The following FMO4 variants were observed in gnomAD, a reference collection of about 807,000 sequenced individuals.
FMO4 encodes the protein dimethylaniline monooxygenase [N-oxide-forming] 4.
Under a neutral mutation model 43.3 loss-of-function variants are expected in FMO4, and 38 were observed. That is an observed-to-expected ratio of 0.88 (90% confidence interval 0.68 to 1.15). The LOEUF (loss-of-function observed/expected upper bound fraction) is 1.15. Ranked by LOEUF, FMO4 falls within the 50% of genes most tolerant of loss-of-function variation. The pLI is 0.00. For missense variants in FMO4, 631 were observed against 663.3 expected, an observed-to-expected ratio of 0.95 and a Z score of 0.54; for synonymous variants, 224 against 232.2, an observed-to-expected ratio of 0.96 and a Z score of 0.32.
At chr1:171,331,371 C>T (rs1276856051) in intron 5 of FMO4, among the ~76,000 whole-genome samples, 2 of 152,150 alleles carry the variant, frequency 1.3e-5, no homozygotes, top group African/African-American at 4.8e-5. Context: ...GTTTGATTTC[C>T]TGAAGCAACT....
At chr1:171,329,907 G>C (rs944213180) in intron 5 of FMO4, among the ~76,000 whole-genome samples, 7 of 152,188 alleles carry the variant, frequency 4.6e-5, no homozygotes, top group African/African-American at 1.7e-4. Flanking sequence ...AGTAGGCAAA[G>C]AATCCTGTTA....
intron 1 of FMO4, among the ~76,000 whole-genome samples, chr1:171,314,956 T>C (rs148917946): frequency 6.3e-4 from 96 of 152,298 alleles, no homozygotes; most frequent in African/African-American, 2.1e-3. Context: ...TACAAAGGTC[T>C]AGTTCAATAG....
At chr1:171,315,470 A>G (rs1662162074) in intron 1 of FMO4, among the ~76,000 whole-genome samples, 1 of 151,876 alleles carries the variant, frequency 6.6e-6, no homozygotes, top group African/African-American at 2.4e-5. Flanking sequence ...GTTTTCAGAC[A>G]TAAGAACAGT....
intron 3 of FMO4, among the ~76,000 whole-genome samples, chr1:171,321,146 C>T (rs1662406493): frequency 6.6e-6 from 1 of 152,062 alleles, no homozygotes; most frequent in Admixed American, 6.6e-5. Context: ...TGCTATTTGA[C>T]CCCACAGTTG....
chr1:171,322,623 C>G (rs1008267398), intron 3 of FMO4, among the ~76,000 whole-genome samples: 1 of 152,102 alleles, frequency 6.6e-6, no homozygotes, highest in Non-Finnish European at 1.5e-5. Context: ...GAGGCCAAGG[C>G]GGGTGGATCA....
At chr1:171,337,884 TC>T (rs1663183782) in intron 9 of FMO4, among the ~76,000 whole-genome samples, 1 of 152,130 alleles carries the variant, frequency 6.6e-6, no homozygotes, top group Non-Finnish European at 1.5e-5. Flanking sequence ...CATCATATAC[TC>T]AGGGCTCCCA....
intron 9 of FMO4, among the ~76,000 whole-genome samples, chr1:171,337,764 T>C (rs1425673576): frequency 6.6e-6 from 1 of 152,174 alleles, no homozygotes; most frequent in Admixed American, 6.5e-5. Context: ...GTATCGCCTC[T>C]TCCTCACTCC....
rs1428271188 is a variant in FMO4, at chr1:171,334,463, G to A, written c.880G>A (p.Gly294Arg). ...TGAGCTGCCAAACTGTATCCTCTGT[G>A]GGGCAATCACTATGAAAACCAGCGT... ...NDELPNCILCGAITMKTSVIE... is the reference protein window; with the variant it reads ...NDELPNCILCRAITMKTSVIE... The change falls in exon 8 of 10, where the codon GGG becomes AGG. Residue 294 changes from glycine to arginine, a missense_variant. By Grantham distance (125) the Gly-to-Arg change is moderately radical. Transcript: ENST00000367749. The A allele has an allele frequency of 6.2e-7, 1 of 1,612,338 alleles. No individual in the cohort carries two copies. Among genetic ancestry groups the A allele is most frequent in the Non-Finnish European group, 8.5e-7 (1 of 1,179,498 alleles).
At chr1:171,340,249 C>A (rs1041796396) in intron 9 of FMO4, among the ~76,000 whole-genome samples, 4 of 152,126 alleles carry the variant, frequency 2.6e-5, no homozygotes, top group African/African-American at 9.7e-5. Context: ...AATTTGTCAG[C>A]GTTCTACCAG....
chr1:171,332,830 G>C lies in FMO4; in HGVS notation c.749G>C (p.Arg250Pro), dbSNP rs770794489. The C allele has an allele frequency of 1.2e-6, 2 of 1,612,490 alleles. No homozygotes were observed. ...CSFIAQVLPS[R>P]FLNWIQERKL... Reference sequence around the variant, plus strand: ...TTTATTGCACAAGTTCTGCCTTCACGTTTTCTAAACTGGATTCAAGAAAGG... The same window carrying C: ...TTTATTGCACAAGTTCTGCCTTCACCTTTTCTAAACTGGATTCAAGAAAGG... The change falls in exon 7 of 10, where the codon CGT becomes CCT. Residue 250 changes from arginine to proline, a missense_variant. By Grantham distance (103) the Arg-to-Pro change is moderately radical. Coordinates refer to ENST00000367749, the MANE Select transcript of FMO4 (RefSeq NM_002022.3).
rs767784790 is a variant in FMO4, at chr1:171,334,477, G to A, written c.894G>A (p.Met298Ile). The A allele has an allele frequency of 5.6e-6, 9 of 1,613,442 alleles. No homozygotes were observed. Among genetic ancestry groups the A allele is most frequent in the Admixed American group, 1.7e-5 (1 of 59,876 alleles). The change falls in exon 8 of 10, where the codon ATG (methionine) becomes ATA (isoleucine). Residue 298 changes from methionine to isoleucine, a missense_variant. By Grantham distance (10) the Met-to-Ile change is conservative. Transcript: ENST00000367749. ...PNCILCGAIT[M>I]KTSVIEFTET... ...GTATCCTCTGTGGGGCAATCACTAT[G>A]AAAACCAGCGTGATTGAATTTACAG...
At chr1:171,324,097 A>T in intron 4 of FMO4, 41 bp from the exon 5 acceptor site, 12 of 1,563,394 alleles carry the variant, frequency 7.7e-6, no homozygotes, top group Non-Finnish European at 1.0e-5. Flanking sequence ...ATGAGGTCCA[A>T]GGGTGTTAGT....
chr1:171,338,033 C>T (rs1663193440), intron 9 of FMO4, among the ~76,000 whole-genome samples: 1 of 152,172 alleles, frequency 6.6e-6, no homozygotes, highest in Non-Finnish European at 1.5e-5. Flanking sequence ...CCCTCCGCCC[C>T]CCATCTGCCC....
intron 5 of FMO4, among the ~76,000 whole-genome samples, chr1:171,327,958 T>C (rs1412306886): frequency 2.6e-5 from 4 of 152,202 alleles, no homozygotes; most frequent in African/African-American, 7.2e-5. Flanking sequence ...CTTAGAAGCC[T>C]GGGACTAGCA....
At chr1:171,338,072 C>G (rs909937980) in intron 9 of FMO4, among the ~76,000 whole-genome samples, 1 of 152,144 alleles carries the variant, frequency 6.6e-6, no homozygotes, top group Non-Finnish European at 1.5e-5. Flanking sequence ...AAACTTTTCC[C>G]CATCTCAGTT....
At chr1:171,338,130 T>C (rs1381526474) in intron 9 of FMO4, among the ~76,000 whole-genome samples, 1 of 152,140 alleles carries the variant, frequency 6.6e-6, no homozygotes, top group East Asian at 1.9e-4. Flanking sequence ...GTCAAAAACC[T>C]TGGATTAATC....
intron 5 of FMO4, 58 bp from the exon 6 acceptor site, chr1:171,331,582 G>T: frequency 1.9e-6 from 3 of 1,544,680 alleles, no homozygotes; most frequent in Non-Finnish European, 2.7e-6. Flanking sequence ...CTATCCCTGC[G>T]TAGTGAGAAA....
intron 3 of FMO4, among the ~76,000 whole-genome samples, chr1:171,322,284 T>C (rs1662467553): frequency 6.6e-6 from 1 of 152,010 alleles, no homozygotes. Context: ...ATTAGTAAGG[T>C]ATTCCCTGAG....
At chr1:171,331,468 A>G (rs1324580053) in intron 5 of FMO4, among the ~76,000 whole-genome samples, 172 bp from the exon 6 acceptor site, 3 of 152,234 alleles carry the variant, frequency 2.0e-5, no homozygotes, top group Non-Finnish European at 2.9e-5. Context: ...CTGGGCTCAC[A>G]GCATCCCAGG....
Sources: allele counts gnomAD v4.1 joint callset (sites outside exome capture counted in the v4.1 genomes callset), GRCh38; gene constraint gnomAD v4.1.1; transcripts MANE v1.5; gene names NCBI Gene and HGNC (gene_info 2026-07-23, HGNC 2026-07-21).